Variants in TTLL11 observed in about 807,000 individuals in gnomAD.
The protein encoded by TTLL11 is tubulin tyrosine ligase like 11.
TTLL11 carries 42 observed loss-of-function variants against 51.7 expected under a neutral mutation model. That is an observed-to-expected ratio of 0.81 (90% confidence interval 0.64 to 1.05). The LOEUF (loss-of-function observed/expected upper bound fraction) is 1.05, where lower values mean the gene tolerates loss of function less well. TTLL11 is among the 50% of genes least tolerant of loss of function. The pLI, the probability that TTLL11 is intolerant of heterozygous loss-of-function variation, is 0.00. For missense variants in TTLL11, 799 were observed against 940.4 expected (o/e 0.85, Z 1.97); for synonymous variants, 381 against 383.5 (o/e 0.99, Z 0.08).
chr9:122,044,573 G>A (rs899555087), intron 1 of TTLL11, among the ~76,000 whole-genome samples: 3 of 152,060 alleles, frequency 2.0e-5, no homozygotes, highest in African/African-American at 4.8e-5. Context: ...AGATGGTATC[G>A]CATTGTGGTT....
intron 3 of TTLL11, among the ~76,000 whole-genome samples, chr9:122,004,496 T>A (rs1462362734): frequency 6.6e-6 from 1 of 152,080 alleles, no homozygotes; most frequent in African/African-American, 2.4e-5. Context: ...ATTACAGGCA[T>A]GCACCACCAT....
At chr9:121,925,301 C>T (rs1840687040) in intron 6 of TTLL11, among the ~76,000 whole-genome samples, 4 of 152,266 alleles carry the variant, frequency 2.6e-5, no homozygotes, top group African/African-American at 9.6e-5. Context: ...ACTAACACCT[C>T]TTGTGGGCCC....
intron 8 of TTLL11, among the ~76,000 whole-genome samples, chr9:121,826,153 AATAT>A (rs10562547): frequency 3.9e-4 from 28 of 70,922 alleles, no homozygotes; most frequent in South Asian, 1.9e-3. Flanking sequence ...ATCAAAGTAG[AATAT>A]ATATATATAT....
At position 121,893,620 on chromosome 9, in the gene TTLL11, A is replaced by T. The variant is rs533128681; in HGVS notation, c.1482-22872T>A. 1.6e-4 allele frequency among the ~76,000 whole-genome samples: 25 copies of T among 152,224 alleles called. 1 individual carries two copies. Among genetic ancestry groups the T allele is most frequent in the African/African-American group, 6.0e-4 (25 of 41,536 alleles). ...CACTCTGCGATGTTCCTTCCCACTT[A>T]ACAAGGAAGAACTGGGGATAGTTTA... On this transcript the variant is annotated intron_variant, in intron 6 of 8. Coordinates refer to ENST00000321582, the MANE Select transcript of TTLL11 (RefSeq NM_001139442.2).
At chr9:121,913,627 C>G (rs1840222103) in intron 6 of TTLL11, among the ~76,000 whole-genome samples, 1 of 152,190 alleles carries the variant, frequency 6.6e-6, no homozygotes, top group Non-Finnish European at 1.5e-5. Context: ...CAACATCTGT[C>G]TAGGACTGTG....
intron 1 of TTLL11, among the ~76,000 whole-genome samples, chr9:122,049,356 G>T (rs1188223499): frequency 6.6e-6 from 1 of 152,204 alleles, no homozygotes; most frequent in Non-Finnish European, 1.5e-5. Context: ...GGTACCAAGT[G>T]CTAGGAGAGT....
chr9:121,918,671 C>T (rs1840424850), intron 6 of TTLL11, among the ~76,000 whole-genome samples: 1 of 152,172 alleles, frequency 6.6e-6, no homozygotes, highest in Non-Finnish European at 1.5e-5. Context: ...ACCCATCTTG[C>T]TACCACAAAG....
intron 3 of TTLL11, among the ~76,000 whole-genome samples, chr9:121,993,747 T>C (rs1588185362): frequency 6.6e-6 from 1 of 152,144 alleles, no homozygotes; most frequent in East Asian, 1.9e-4. Context: ...AGGGAGAAAT[T>C]CAGCAACTAG....
At chr9:121,873,813 G>A (rs1838455059) in intron 6 of TTLL11, among the ~76,000 whole-genome samples, 1 of 141,274 alleles carries the variant, frequency 7.1e-6, no homozygotes, top group Non-Finnish European at 1.5e-5. Flanking sequence ...CTACAGGTGT[G>A]CACCACCATT....
At chr9:121,850,278 C>T (rs1360318784) in intron 8 of TTLL11, among the ~76,000 whole-genome samples, 1 of 152,086 alleles carries the variant, frequency 6.6e-6, no homozygotes, top group Admixed American at 6.6e-5. Context: ...GCTGAGAAGT[C>T]CCACATACAA....
At chr9:121,823,749 G>C (rs1836656190) in intron 8 of TTLL11, among the ~76,000 whole-genome samples, 1 of 152,074 alleles carries the variant, frequency 6.6e-6, no homozygotes, top group Middle Eastern at 3.2e-3. Context: ...ACCCCCCAAA[G>C]TAAAATAAAC....
chr9:122,007,399 C>T (rs976437851), intron 3 of TTLL11, among the ~76,000 whole-genome samples: 15 of 149,622 alleles, frequency 1.0e-4, no homozygotes, highest in Non-Finnish European at 1.5e-4. Flanking sequence ...CACTTGAACC[C>T]GGGAGGCAGA....
intron 8 of TTLL11, among the ~76,000 whole-genome samples, chr9:121,829,388 G>A (rs1836926040): frequency 6.6e-6 from 1 of 152,152 alleles, no homozygotes; most frequent in Non-Finnish European, 1.5e-5. Flanking sequence ...AGCCACAGGG[G>A]CTATTGCTCA....
At chr9:121,879,572 G>A (rs1298500819) in intron 6 of TTLL11, among the ~76,000 whole-genome samples, 3 of 152,252 alleles carry the variant, frequency 2.0e-5, no homozygotes, top group Non-Finnish European at 4.4e-5. Context: ...TACATAGAGA[G>A]TGGGGCCAAG....
chr9:121,847,793 C>T (rs1355653670), intron 8 of TTLL11, among the ~76,000 whole-genome samples: 1 of 152,218 alleles, frequency 6.6e-6, no homozygotes, highest in Admixed American at 6.5e-5. Context: ...CACTTCCTAA[C>T]TCATTCTGTG....
intron 1 of TTLL11, among the ~76,000 whole-genome samples, chr9:122,076,128 C>T (rs1164270452): frequency 6.6e-6 from 1 of 152,124 alleles, no homozygotes; most frequent in Non-Finnish European, 1.5e-5. Context: ...AATCAATAAT[C>T]TTCCCCATCC....
At chr9:122,042,799 A>C (rs1354994197) in intron 1 of TTLL11, among the ~76,000 whole-genome samples, 1 of 152,232 alleles carries the variant, frequency 6.6e-6, no homozygotes, top group Admixed American at 6.5e-5. Flanking sequence ...GACATGGAGG[A>C]ATCTTAAATG....
At chr9:121,878,415 G>A (rs1190350909) in intron 6 of TTLL11, among the ~76,000 whole-genome samples, 1 of 152,168 alleles carries the variant, frequency 6.6e-6, no homozygotes, top group Non-Finnish European at 1.5e-5. Context: ...TTGCTGACAT[G>A]TAATGTTTGT....
intron 6 of TTLL11, among the ~76,000 whole-genome samples, chr9:121,873,382 CTTTTTTTT>C (rs71370697): frequency 9.0e-6 from 1 of 110,566 alleles, no homozygotes. Context: ...TCTTCTTCTC[CTTTTTTTT>C]TTTTTTTTTT....
Sources: gnomAD v4.1 joint callset for allele counts (sites outside exome capture counted in the v4.1 genomes callset) on GRCh38, gnomAD v4.1.1 for gene constraint, MANE v1.5 for transcripts, NCBI Gene and HGNC (gene_info 2026-07-23, HGNC 2026-07-21) for gene names.